The following IMMP2L variants were observed in gnomAD, a reference collection of about 807,000 sequenced individuals.
The protein encoded by IMMP2L is mitochondrial inner membrane protease subunit 2.
A neutral mutation model predicts 19.3 loss-of-function variants in IMMP2L; 18 were observed. The observed-to-expected ratio is 0.93, with a 90% CI of 0.64 to 1.38. The LOEUF (loss-of-function observed/expected upper bound fraction) is 1.38, where lower values mean the gene tolerates loss of function less well. IMMP2L is among the 40% of genes most tolerant of loss of function. The pLI is 0.00. For missense variants in IMMP2L, 233 were observed against 218.2 expected, an observed-to-expected ratio of 1.07 and a Z score of -0.43; for synonymous variants, 76 against 73.0, an observed-to-expected ratio of 1.04 and a Z score of -0.21.
intron 5 of IMMP2L, among the ~76,000 whole-genome samples, chr7:110,748,415 A>T (rs13241589): frequency 0.085 from 13,010 of 152,242 alleles, 743 homozygotes; most frequent in East Asian, 0.26. Flanking sequence ...TTTCATATGG[A>T]ACCAAAAAAC....
intron 3 of IMMP2L, among the ~76,000 whole-genome samples, chr7:111,120,908 T>C (rs954009156): frequency 1.3e-5 from 2 of 151,974 alleles, no homozygotes; most frequent in Non-Finnish European, 2.9e-5. Flanking sequence ...TATTCATTTA[T>C]TGGCCTTTTA....
At chr7:110,748,203 C>T (rs560224964) in intron 5 of IMMP2L, among the ~76,000 whole-genome samples, 3 of 152,154 alleles carry the variant, frequency 2.0e-5, no homozygotes, top group Admixed American at 2.0e-4. Flanking sequence ...ATGTGAAGGA[C>T]CTCTTCAAGG....
At chr7:110,705,533 T>A (rs1261408848) in intron 5 of IMMP2L, among the ~76,000 whole-genome samples, 2 of 152,126 alleles carry the variant, frequency 1.3e-5, no homozygotes, top group East Asian at 3.9e-4. Flanking sequence ...AAATATTTCA[T>A]CTCATAAGTT....
intron 3 of IMMP2L, among the ~76,000 whole-genome samples, chr7:111,433,196 A>T (rs571744323): frequency 2.6e-5 from 4 of 151,700 alleles, no homozygotes; most frequent in Non-Finnish European, 5.9e-5. Context: ...CCAGAAGGGG[A>T]AATGCCAGAT....
At chr7:110,784,681 G>T (rs2131103310) in intron 5 of IMMP2L, among the ~76,000 whole-genome samples, 1 of 152,028 alleles carries the variant, frequency 6.6e-6, no homozygotes, top group African/African-American at 2.4e-5. Context: ...TCATGCAGTG[G>T]TCTTCATCTT....
At chr7:111,455,449 T>A (rs1240706999) in intron 3 of IMMP2L, among the ~76,000 whole-genome samples, 1 of 152,122 alleles carries the variant, frequency 6.6e-6, no homozygotes. Flanking sequence ...TTGATCCACC[T>A]TCCATAAACA....
chr7:111,407,453 C>CA (rs1208876756), intron 3 of IMMP2L, among the ~76,000 whole-genome samples: 1 of 151,816 alleles, frequency 6.6e-6, no homozygotes, highest in Non-Finnish European at 1.5e-5. Flanking sequence ...TGCATCTAAA[C>CA]AAAAAATAAT....
rs373889550 is a variant in IMMP2L at position 111,436,202 on chromosome 7, C to CA, written c.239+51035dup. ...CTGTCCAGTAAGACTCCAGAAAAAGCAAAAAATATTAAAATAAAGGATTTA... is the reference window on the plus strand; with the variant it reads ...CTGTCCAGTAAGACTCCAGAAAAAGCAAAAAAATATTAAAATAAAGGATTTA... On this transcript the variant is annotated intron_variant, in intron 3 of 5. Coordinates refer to ENST00000405709, the MANE Select transcript of IMMP2L (RefSeq NM_032549.4). 6.1e-4 allele frequency among the ~76,000 whole-genome samples: 92 copies of CA among 151,300 alleles called. 6 individuals carry two copies. Among genetic ancestry groups the CA allele is most frequent in the African/African-American group, 2.1e-3 (86 of 41,000 alleles).
chr7:111,332,872 C>T (rs1216556929), intron 3 of IMMP2L, among the ~76,000 whole-genome samples: 1 of 151,950 alleles, frequency 6.6e-6, no homozygotes, highest in Non-Finnish European at 1.5e-5. Context: ...TTAAAAAAGG[C>T]TCCTTGCGAT....
intron 3 of IMMP2L, among the ~76,000 whole-genome samples, chr7:111,421,293 G>C (rs1375117248): frequency 7.6e-6 from 1 of 132,288 alleles, no homozygotes; most frequent in East Asian, 2.1e-4. Flanking sequence ...TTTTTGAGAC[G>C]GAGTCTCGCT....
At chr7:111,494,274 A>G (rs930383480) in intron 2 of IMMP2L, among the ~76,000 whole-genome samples, 1 of 152,146 alleles carries the variant, frequency 6.6e-6, no homozygotes, top group Non-Finnish European at 1.5e-5. Flanking sequence ...TCCTGCTAGT[A>G]GTCACAGTGA....
chr7:111,388,870 G>A (rs1431468813), intron 3 of IMMP2L, among the ~76,000 whole-genome samples: 15 of 151,964 alleles, frequency 9.9e-5, no homozygotes, highest in African/African-American at 3.4e-4. Context: ...ACACAGCCAA[G>A]CCATATCAAT....
intron 5 of IMMP2L, among the ~76,000 whole-genome samples, chr7:110,788,411 T>A (rs1348652271): frequency 6.6e-6 from 1 of 151,758 alleles, no homozygotes; most frequent in Admixed American, 6.6e-5. Flanking sequence ...AGAACACCAC[T>A]CTCTTAGTAG....
At chr7:111,408,292 A>G (rs769281905) in intron 3 of IMMP2L, among the ~76,000 whole-genome samples, 2 of 151,750 alleles carry the variant, frequency 1.3e-5, no homozygotes, top group African/African-American at 4.9e-5. Context: ...TATTTATTAT[A>G]AGACAGCTTG....
intron 4 of IMMP2L, among the ~76,000 whole-genome samples, chr7:110,913,952 T>C (rs1813320910): frequency 6.6e-6 from 1 of 152,150 alleles, no homozygotes; most frequent in Non-Finnish European, 1.5e-5. Context: ...TCAGGTGTTT[T>C]TTTGCTAATA....
At chr7:110,795,256 A>C (rs1459386398) in intron 5 of IMMP2L, among the ~76,000 whole-genome samples, 1 of 152,048 alleles carries the variant, frequency 6.6e-6, no homozygotes. Flanking sequence ...CCACTACCAA[A>C]CCAAGCTAGT....
chr7:110,744,773 T>C (rs1797219060), intron 5 of IMMP2L, among the ~76,000 whole-genome samples: 1 of 152,176 alleles, frequency 6.6e-6, no homozygotes, highest in African/African-American at 2.4e-5. Flanking sequence ...CAAAGGTAGA[T>C]AAATCCATGA....
At chr7:110,834,492 A>G (rs550999051) in intron 5 of IMMP2L, among the ~76,000 whole-genome samples, 4 of 152,248 alleles carry the variant, frequency 2.6e-5, no homozygotes, top group African/African-American at 7.2e-5. Flanking sequence ...GGAGACTGGT[A>G]CCAGAAGAAA....
At chr7:111,236,463 A>G (rs1814325756) in intron 3 of IMMP2L, among the ~76,000 whole-genome samples, 2 of 152,034 alleles carry the variant, frequency 1.3e-5, no homozygotes, top group Non-Finnish European at 2.9e-5. Flanking sequence ...GTGAATTATG[A>G]GGTTTTCCAC....
Sources: allele counts gnomAD v4.1 joint callset (sites outside exome capture counted in the v4.1 genomes callset), GRCh38; gene constraint gnomAD v4.1.1; transcripts MANE v1.5; gene names NCBI Gene and HGNC (gene_info 2026-07-23, HGNC 2026-07-21).